Variants in HMGN5 observed in about 807,000 individuals in gnomAD.
HMGN5 encodes high mobility group nucleosome binding domain 5.
In HMGN5, 4 loss-of-function variants were observed where a neutral mutation model predicts 9.5. The observed-to-expected ratio is 0.42, with a 90% CI of 0.21 to 0.96. The LOEUF is 0.96. Ranked by LOEUF, HMGN5 falls within the 40% of genes least tolerant of loss-of-function variation. The probability of loss-of-function intolerance (pLI) is 0.30; values close to 1 mark genes in which losing one functional copy is unlikely to be tolerated. For missense variants in HMGN5, 192 were observed against 187.5 expected (o/e 1.02, Z -0.14); for synonymous variants, 55 against 57.1 (o/e 0.96, Z 0.16).
intron 1 of HMGN5, among the ~76,000 whole-genome samples, chrX:81,134,775 T>C (rs1350798941): frequency 8.9e-6 from 1 of 111,960 alleles, no homozygotes; most frequent in Non-Finnish European, 1.9e-5. Context: ...GCGAGACTTG[T>C]GGATCAATGG....
intron 1 of HMGN5, among the ~76,000 whole-genome samples, chrX:81,201,526 G>T (rs1338721464): frequency 8.9e-6 from 1 of 111,823 alleles, no homozygotes; most frequent in Admixed American, 9.5e-5. Context: ...CGGAAGCAGG[G>T]TTCCCTAATT....
intron 1 of HMGN5, among the ~76,000 whole-genome samples, chrX:81,173,190 A>C (rs1296666298): frequency 9.0e-6 from 1 of 111,292 alleles, no homozygotes; most frequent in Non-Finnish European, 1.9e-5. Context: ...CACCTGTTTG[A>C]AAAACAAAGA....
intron 1 of HMGN5, among the ~76,000 whole-genome samples, chrX:81,151,760 G>A (rs2147562466): frequency 9.1e-6 from 1 of 109,656 alleles, no homozygotes; most frequent in African/African-American, 3.3e-5. Flanking sequence ...GTCTGTTATT[G>A]GTGTATAAGA....
intron 1 of HMGN5, among the ~76,000 whole-genome samples, chrX:81,160,789 G>A (rs191187953): frequency 8.1e-4 from 90 of 111,281 alleles, no homozygotes; most frequent in African/African-American, 2.9e-3. Context: ...CATTTGGGTT[G>A]GTTCCATGTG....
chrX:81,190,924 C>A (rs979136606), intron 1 of HMGN5, among the ~76,000 whole-genome samples: 13 of 111,571 alleles, frequency 1.2e-4, no homozygotes, highest in Non-Finnish European at 3.8e-5. Context: ...TTCCCTTGAT[C>A]TATTTGTTCT....
At chrX:81,130,115 G>T (rs1037207108) in intron 1 of HMGN5, among the ~76,000 whole-genome samples, 1 of 111,226 alleles carries the variant, frequency 9.0e-6, no homozygotes, top group African/African-American at 3.3e-5. Flanking sequence ...TTTGGAGAGA[G>T]AGACCAGGTG....
chrX:81,136,213 G>C (rs191089717), intron 1 of HMGN5, among the ~76,000 whole-genome samples: 2 of 111,601 alleles, frequency 1.8e-5, no homozygotes, highest in Non-Finnish European at 3.8e-5. Context: ...TAAAAACATC[G>C]AATTTTACAC....
At chrX:81,187,358 G>A (rs1283842554) in intron 1 of HMGN5, among the ~76,000 whole-genome samples, 3 of 111,469 alleles carry the variant, frequency 2.7e-5, no homozygotes, top group Non-Finnish European at 5.7e-5. Context: ...AATAATATTT[G>A]TTTTATATAT....
intron 1 of HMGN5, among the ~76,000 whole-genome samples, chrX:81,153,058 A>T (rs2075368827): frequency 9.4e-6 from 1 of 106,477 alleles, no homozygotes; most frequent in Admixed American, 1.0e-4. Context: ...GGACGAGTTA[A>T]TGGGTGCAGC....
At chrX:81,199,984 A>G (rs997240489) in intron 1 of HMGN5, among the ~76,000 whole-genome samples, 82 of 112,339 alleles carry the variant, frequency 7.3e-4, no homozygotes, top group Admixed American at 2.4e-3. Context: ...CTCATCTGAC[A>G]AAGGGCTAAT....
At chrX:81,122,007 C>G (rs1400124421) in intron 1 of HMGN5, among the ~76,000 whole-genome samples, 1 of 111,273 alleles carries the variant, frequency 9.0e-6, no homozygotes, top group Non-Finnish European at 1.9e-5. Context: ...CAGTTGCTTT[C>G]TTCACAGCCT....
intron 1 of HMGN5, among the ~76,000 whole-genome samples, chrX:81,146,708 AGCT>A (rs1354160078): frequency 8.9e-6 from 1 of 112,061 alleles, no homozygotes; most frequent in African/African-American, 3.2e-5. Flanking sequence ...TGAATCAAGG[AGCT>A]AGTTTTTTGA....
intron 1 of HMGN5, among the ~76,000 whole-genome samples, chrX:81,188,873 T>C (rs1443512169): frequency 8.9e-6 from 1 of 111,732 alleles, no homozygotes; most frequent in Non-Finnish European, 1.9e-5. Context: ...ATCCAGTCTA[T>C]CATTGATGGA....
intron 6 of HMGN5, among the ~76,000 whole-genome samples, chrX:81,115,462 C>A (rs1209021301): frequency 9.0e-6 from 1 of 111,729 alleles, no homozygotes; most frequent in Non-Finnish European, 1.9e-5. Context: ...ATATTTGAAA[C>A]AATAAATACA....
chrX:81,135,834 A>T (rs1288822173), intron 1 of HMGN5, among the ~76,000 whole-genome samples: 1 of 111,356 alleles, frequency 9.0e-6, no homozygotes, highest in African/African-American at 3.3e-5. Context: ...CATTGTAACC[A>T]TGTTGAGAGG....
At chrX:81,127,666 T>TG (rs1329312094) in intron 1 of HMGN5, among the ~76,000 whole-genome samples, 1 of 111,363 alleles carries the variant, frequency 9.0e-6, no homozygotes, top group African/African-American at 3.3e-5. Context: ...TTCGTTTTGT[T>TG]GTAAATTATT....
At chrX:81,147,673 GA>G (rs1290952170) in intron 1 of HMGN5, among the ~76,000 whole-genome samples, 1 of 111,354 alleles carries the variant, frequency 9.0e-6, no homozygotes, top group Non-Finnish European at 1.9e-5. Flanking sequence ...ATTCAATTAG[GA>G]AAAAAGGAAG....
At chrX:81,199,092 ACAGAGAGC>A (rs1446401433) in intron 1 of HMGN5, among the ~76,000 whole-genome samples, 1 of 111,735 alleles carries the variant, frequency 8.9e-6, no homozygotes, top group Non-Finnish European at 1.9e-5. Flanking sequence ...TAACAGACAA[ACAGAGAGC>A]CAAATCATGA....
chrX:81,161,902 TAAAG>T, intron 1 of HMGN5, among the ~76,000 whole-genome samples: 1 of 109,658 alleles, frequency 9.1e-6, no homozygotes, highest in African/African-American at 3.5e-5. Context: ...ACTCTTATTA[TAAAG>T]AATGCAGTAC....
Sources: allele counts gnomAD v4.1 joint callset (sites outside exome capture counted in the v4.1 genomes callset), GRCh38; gene constraint gnomAD v4.1.1; transcripts MANE v1.5; gene names NCBI Gene and HGNC (gene_info 2026-07-23, HGNC 2026-07-21).